FRMD4A: variants seen among roughly 807,000 people sequenced by gnomAD.
The protein encoded by FRMD4A is FERM domain containing 4A.
In FRMD4A, 29 loss-of-function variants were observed where a neutral mutation model predicts 129.1. That is an observed-to-expected ratio of 0.22 (90% CI 0.17 to 0.31). The LOEUF (loss-of-function observed/expected upper bound fraction) is 0.31. Among genes scored for constraint, FRMD4A ranks in the 10% least tolerant of loss-of-function variants. The pLI, the probability that FRMD4A is intolerant of heterozygous loss-of-function variation, is 1.00. For missense variants in FRMD4A, 1,272 were observed against 1,375.8 expected (o/e 0.92, Z 1.19); for synonymous variants, 634 against 571.6 (o/e 1.11, Z -1.56).
intron 2 of FRMD4A, among the ~76,000 whole-genome samples, chr10:14,121,001 G>T (rs1316974751): frequency 3.3e-5 from 5 of 152,202 alleles, no homozygotes; most frequent in African/African-American, 1.2e-4. Flanking sequence ...CTGTAACCTA[G>T]ATCAGTATGC....
chr10:14,167,643 G>A (rs577895892), intron 2 of FRMD4A, among the ~76,000 whole-genome samples: 3 of 152,152 alleles, frequency 2.0e-5, no homozygotes, highest in African/African-American at 7.2e-5. Context: ...ATACGTGGGG[G>A]CTTAGAGTGT....
chr10:14,297,507 G>A (rs1589278940), intron 2 of FRMD4A, among the ~76,000 whole-genome samples: 1 of 152,070 alleles, frequency 6.6e-6, no homozygotes, highest in East Asian at 1.9e-4. Context: ...AATCACTCCA[G>A]GAAACTTCAT....
At chr10:13,798,305 G>C (rs377518228) in intron 4 of FRMD4A, among the ~76,000 whole-genome samples, 3 of 151,884 alleles carry the variant, frequency 2.0e-5, no homozygotes, top group African/African-American at 7.3e-5. Context: ...CCAGCTACTC[G>C]GGAGGCTGAG....
chr10:14,118,416 A>T (rs1381178002), intron 2 of FRMD4A, among the ~76,000 whole-genome samples: 3 of 152,190 alleles, frequency 2.0e-5, no homozygotes, highest in African/African-American at 4.8e-5. Flanking sequence ...TAGAATCAGA[A>T]ACCCCAGGAT....
intron 8 of FRMD4A, among the ~76,000 whole-genome samples, chr10:13,750,151 A>C: frequency 6.6e-6 from 1 of 151,230 alleles, no homozygotes; most frequent in East Asian, 2.0e-4. Context: ...AAAGAAAGAA[A>C]AGAGAGAAGG....
At chr10:13,976,703 G>A (rs1352031640) in intron 2 of FRMD4A, among the ~76,000 whole-genome samples, 3 of 152,148 alleles carry the variant, frequency 2.0e-5, no homozygotes, top group Non-Finnish European at 4.4e-5. Context: ...ACAGAAAACA[G>A]CATACACGTG....
intron 2 of FRMD4A, among the ~76,000 whole-genome samples, chr10:13,883,050 C>T (rs1474223497): frequency 2.6e-5 from 4 of 151,998 alleles, no homozygotes; most frequent in Non-Finnish European, 4.4e-5. Flanking sequence ...GTGATCCTCT[C>T]GCCTCGGTCT....
At chr10:14,310,865 G>A (rs1250945814) in intron 2 of FRMD4A, among the ~76,000 whole-genome samples, 1 of 152,112 alleles carries the variant, frequency 6.6e-6, no homozygotes, top group Non-Finnish European at 1.5e-5. Context: ...CTCTGCAGGA[G>A]AGAGCTCTTC....
chr10:14,051,773 T>G (rs768820675), intron 2 of FRMD4A, among the ~76,000 whole-genome samples: 9 of 152,184 alleles, frequency 5.9e-5, no homozygotes, highest in Non-Finnish European at 8.8e-5. Flanking sequence ...CGGCAGCCTA[T>G]GCAGTAAGCG....
intron 2 of FRMD4A, among the ~76,000 whole-genome samples, chr10:14,089,630 C>CAAAAAAAAAACAAAAAAAAAAAAAAAAAA (rs59553317): frequency 7.6e-6 from 1 of 130,806 alleles, no homozygotes; most frequent in Non-Finnish European, 1.6e-5. Context: ...AAAAAAAAAA[C>CAAAAAAAAAACAAAAAAAAAAAAAAAAAA]AAAAAAAAAC....
rs2094333393 is a variant in FRMD4A at position 13,864,236 on chromosome 10, T to A, written c.46-5324A>T. Among the ~76,000 whole-genome samples the A allele has an allele frequency of 2.0e-5, 3 of 150,588 alleles. No individual in the cohort carries two copies. The South Asian group carries it at 6.3e-4, about 31-fold the overall frequency. ...GTCTCGAACTCCTGGCCTCACGTGATCTTCCCGCCTTGGCCTCCCAAAGTG... is the reference window on the plus strand; with the variant it reads ...GTCTCGAACTCCTGGCCTCACGTGAACTTCCCGCCTTGGCCTCCCAAAGTG... On this transcript the variant is annotated intron_variant, in intron 2 of 24. Coordinates refer to ENST00000357447, the MANE Select transcript of FRMD4A (RefSeq NM_018027.5).
chr10:14,251,142 CT>C (rs1844425732), intron 2 of FRMD4A, among the ~76,000 whole-genome samples: 2 of 152,182 alleles, frequency 1.3e-5, no homozygotes, highest in Admixed American at 6.5e-5. Context: ...AGTTTAACCC[CT>C]CTCTTTCAAA....
chr10:13,705,337 GCA>G (rs2087315199), intron 13 of FRMD4A, among the ~76,000 whole-genome samples: 1 of 152,144 alleles, frequency 6.6e-6, no homozygotes, highest in Non-Finnish European at 1.5e-5. Flanking sequence ...GGCGACAGAC[GCA>G]CAGAGAACAC....
At chr10:14,106,193 T>C (rs1178510435) in intron 2 of FRMD4A, among the ~76,000 whole-genome samples, 1 of 152,266 alleles carries the variant, frequency 6.6e-6, no homozygotes, top group East Asian at 1.9e-4. Context: ...TATTCATTTA[T>C]GGAGTCAAAC....
chr10:13,744,030 T>G (rs1375842118), intron 9 of FRMD4A, among the ~76,000 whole-genome samples: 1 of 152,164 alleles, frequency 6.6e-6, no homozygotes, highest in Non-Finnish European at 1.5e-5. Context: ...CCCAGGTCGC[T>G]GGCTGGGTCA....
chr10:13,708,645 A>G (rs1589479102), intron 12 of FRMD4A, among the ~76,000 whole-genome samples: 2 of 152,248 alleles, frequency 1.3e-5, no homozygotes, highest in African/African-American at 4.8e-5. Context: ...CCAAAGCTCT[A>G]TGTTGGCTGA....
chr10:13,941,294 C>G (rs902039480), intron 2 of FRMD4A, among the ~76,000 whole-genome samples: 4 of 152,186 alleles, frequency 2.6e-5, no homozygotes, highest in Non-Finnish European at 5.9e-5. Context: ...CTCCCATTCT[C>G]TCTTGTCTGC....
rs1355501114 is a variant in FRMD4A, at chr10:13,657,442, C to T, written c.2147G>A (p.Gly716Asp). Reference sequence around the variant, plus strand: ...GTCGTTTTCCGAGCCCAGGAGCTTGCCCTGGGACTCCAGGCTGGAGCTCCG... The same window carrying T: ...GTCGTTTTCCGAGCCCAGGAGCTTGTCCTGGGACTCCAGGCTGGAGCTCCG... Reference protein sequence around the residue: ...RHRSSSLESQGKLLGSENDTG... With the variant: ...RHRSSSLESQDKLLGSENDTG... Residue 716 changes from glycine to aspartate, a missense_variant, in exon 22 of 25, where the codon GGC (glycine) becomes GAC (aspartate). Physicochemically the swap from Gly to Asp is moderately conservative, Grantham distance 94 (BLOSUM62 -1). Transcript: ENST00000357447. 8 of 1,612,336 alleles carry T rather than the reference C, an allele frequency of 5.0e-6. No homozygotes were observed. In the South Asian group the frequency reaches 8.8e-5, roughly 18 times the overall value.
chr10:14,330,573 A>C, intron 1 of FRMD4A, 24 bp downstream of exon 1: 1 of 405,424 alleles, frequency 2.5e-6, no homozygotes, highest in Non-Finnish European at 4.3e-6. Flanking sequence ...CTGCTGCATA[A>C]ACATGCTGAA....
Sources: gnomAD v4.1 joint callset for allele counts (sites outside exome capture counted in the v4.1 genomes callset) on GRCh38, gnomAD v4.1.1 for gene constraint, MANE v1.5 for transcripts, NCBI Gene and HGNC (gene_info 2026-07-23, HGNC 2026-07-21) for gene names.